The following HIGD1A variants were observed in gnomAD, a reference collection of about 807,000 sequenced individuals.
HIGD1A encodes HIG1 domain family member 1A, mitochondrial.
Under a neutral mutation model 11.3 loss-of-function variants are expected in HIGD1A, and 8 were observed. That is an observed-to-expected ratio of 0.71 (90% CI 0.42 to 1.28). The LOEUF (loss-of-function observed/expected upper bound fraction) is 1.28. HIGD1A is among the 50% of genes most tolerant of loss of function. The probability of loss-of-function intolerance (pLI) is 0.01; values close to 1 mark genes in which losing one functional copy is unlikely to be tolerated. For synonymous variants in HIGD1A, 32 were observed against 38.4 expected (o/e 0.83, Z 0.62); for missense variants, 107 against 118.8 (o/e 0.90, Z 0.46).
intron 2 of HIGD1A, among the ~76,000 whole-genome samples, chr3:42,788,027 CA>C (rs63176163): frequency 0.94 from 143,075 of 151,838 alleles, 68,018 homozygotes; most frequent in South Asian, 1. Flanking sequence ...CACATACCCC[CA>C]CCTCTAACCA....
intron 1 of HIGD1A, among the ~76,000 whole-genome samples, chr3:42,795,267 G>T (rs1172114524): frequency 6.6e-6 from 1 of 150,990 alleles, no homozygotes; most frequent in African/African-American, 2.4e-5. Context: ...TGCCCAGGCT[G>T]GAGTGCAATG....
At position 42,789,250 on chromosome 3, in the gene HIGD1A, C is replaced by A. The variant is rs137888490; in HGVS notation, c.98-3088G>T. On this transcript the variant is annotated intron_variant, in intron 2 of 3. Transcript: ENST00000321331. Reference sequence around the variant, plus strand: ...AGAGATGGGGTTTCCCCACATTGGTCAGGCTGGTCTCGAACTCCTGACCTC... The same window carrying A: ...AGAGATGGGGTTTCCCCACATTGGTAAGGCTGGTCTCGAACTCCTGACCTC... Among the ~76,000 whole-genome samples the A allele has an allele frequency of 6.9e-3, 1,052 of 152,150 alleles. 12 individuals are homozygous for A. The highest frequency in any genetic ancestry group is 0.024 in the African/African-American group (993 of 41,526).
At chr3:42,802,141 C>T (rs1300002023) in intron 1 of HIGD1A, among the ~76,000 whole-genome samples, 1 of 151,724 alleles carries the variant, frequency 6.6e-6, no homozygotes, top group Non-Finnish European at 1.5e-5. Context: ...AATTCTCCAA[C>T]AGGTCAATGG....
At position 42,783,033 on chromosome 3, in the gene HIGD1A, A is replaced by C. The variant is rs1329822827; in HGVS notation, c.*2238T>G. Among the ~76,000 whole-genome samples, 1 of 152,228 alleles carries C rather than the reference A, an allele frequency of 6.6e-6. No homozygotes were observed. Among genetic ancestry groups the C allele is most frequent in the East Asian group, 1.9e-4 (1 of 5,202 alleles). On this transcript the variant is annotated 3_prime_UTR_variant, in exon 4 of 4. Transcript: ENST00000321331. ...TATTTGACATGGCAAAAATTTAGGG[A>C]AATTGTTCCATGAGTCTTTTTTAAG...
intron 2 of HIGD1A, among the ~76,000 whole-genome samples, chr3:42,789,744 A>G (rs2125924487): frequency 6.6e-6 from 1 of 152,114 alleles, no homozygotes; most frequent in East Asian, 1.9e-4. Flanking sequence ...TTATTTATTT[A>G]GAGACAGGGT....
At position 42,799,946 on chromosome 3, in the gene HIGD1A, A is replaced by G. The variant is rs555948710; in HGVS notation, c.-23+4490T>C. Among the ~76,000 whole-genome samples, 40 of 152,334 alleles carry G rather than the reference A, an allele frequency of 2.6e-4. No individual in the cohort carries two copies. In the South Asian group the frequency reaches 7.9e-3, roughly 30 times the overall value. ...GAGAAACACTTGAGACTGGCTTTGA[A>G]GAAACTGCATAAATGGACTGGATAG... is the stretch of plus-strand genomic sequence containing the variant. On this transcript the variant is annotated intron_variant, in intron 1 of 3. Transcript: ENST00000321331.
intron 2 of HIGD1A, among the ~76,000 whole-genome samples, chr3:42,793,204 TTTTTC>T (rs1282346945): frequency 6.6e-6 from 1 of 152,130 alleles, no homozygotes; most frequent in East Asian, 1.9e-4. Context: ...ATTTTTAAAC[TTTTTC>T]TTAAGATTAA....
intron 1 of HIGD1A, among the ~76,000 whole-genome samples, chr3:42,803,118 T>C (rs1575366719): frequency 6.6e-6 from 1 of 152,214 alleles, no homozygotes; most frequent in African/African-American, 2.4e-5. Flanking sequence ...TGTCCCAGAT[T>C]TCTGTCAGAA....
At chr3:42,803,845 G>A (rs1199095163) in intron 1 of HIGD1A, among the ~76,000 whole-genome samples, 2 of 152,174 alleles carry the variant, frequency 1.3e-5, no homozygotes, top group African/African-American at 2.4e-5. Context: ...AGGACCCTAG[G>A]CCTTATCACT....
Position 42,784,561 on chromosome 3 carries a change from G to A in HIGD1A, c.*710C>T, listed in dbSNP as rs1280025962. ...ATTTAAAACGTGTTCATTTACCTTTGCGTGAGTGCTTAAAATACATATTTC... is the reference window on the plus strand; with the variant it reads ...ATTTAAAACGTGTTCATTTACCTTTACGTGAGTGCTTAAAATACATATTTC... On this transcript the variant is annotated 3_prime_UTR_variant, in exon 4 of 4. Transcript: ENST00000321331. The A allele has an allele frequency of 6.6e-6, 1 of 152,584 alleles. No individual in the cohort carries two copies. The highest frequency in any genetic ancestry group is 2.4e-5 in the African/African-American group (1 of 41,434). The allele number at this position is 152,584 out of a possible 1,614,324, so 9.5% of individuals were successfully genotyped here.
intron 1 of HIGD1A, among the ~76,000 whole-genome samples, chr3:42,799,680 T>TG (rs1700531033): frequency 6.6e-6 from 1 of 151,988 alleles, no homozygotes; most frequent in Non-Finnish European, 1.5e-5. Context: ...GGTCTCAAAC[T>TG]CCTGGCCCCA....
At position 42,786,020 on chromosome 3, in the gene HIGD1A, GA is replaced by G; in HGVS notation, c.232+7del. ...AACGAAAATTTGAAATTTCCTATAG[GA>G]ACCTACCAACAGTCATTGCTCCTAC... On this transcript the variant is annotated splice_region_variant and intron_variant, in intron 3 of 3. Transcript: ENST00000321331. 6.2e-7 allele frequency: 1 copy of G among 1,611,734 alleles called. No individual in the cohort carries two copies. Among genetic ancestry groups the G allele is most frequent in the Middle Eastern group, 2.2e-4 (1 of 4,562 alleles).
chr3:42,804,429 C>A lies in HIGD1A; in HGVS notation c.-23+7G>T. ...TGGCTCGCAGTCCCCCGGCTTGTTTCGCTTACCTAGAGCGAGAAAACCTCT... is the reference window on the plus strand; with the variant it reads ...TGGCTCGCAGTCCCCCGGCTTGTTTAGCTTACCTAGAGCGAGAAAACCTCT... On this transcript the variant is annotated splice_region_variant and intron_variant, in intron 1 of 3. Transcript: ENST00000321331. 1 of 490,748 alleles carries A rather than the reference C, an allele frequency of 2.0e-6. No homozygotes were observed. The highest frequency in any genetic ancestry group is 3.0e-5 in the South Asian group (1 of 33,154). 30.4% of individuals were successfully genotyped at this position (490,748 alleles called of 1,614,324 possible).
At chr3:42,801,809 TC>T (rs985372691) in intron 1 of HIGD1A, among the ~76,000 whole-genome samples, 2 of 152,234 alleles carry the variant, frequency 1.3e-5, no homozygotes, top group Non-Finnish European at 2.9e-5. Flanking sequence ...AAGCATGTTT[TC>T]CCCTTTTTTG....
chr3:42,800,353 A>G (rs1700540926), intron 1 of HIGD1A, among the ~76,000 whole-genome samples: 1 of 151,968 alleles, frequency 6.6e-6, no homozygotes, highest in African/African-American at 2.4e-5. Context: ...AAGAAAAAGA[A>G]AAAGAAAAAG....
chr3:42,795,051 C>T (rs912364819), intron 1 of HIGD1A, among the ~76,000 whole-genome samples: 1 of 151,066 alleles, frequency 6.6e-6, no homozygotes, highest in Non-Finnish European at 1.5e-5. Context: ...TGCAGTGGCA[C>T]GATCTCGGCT....
intron 2 of HIGD1A, among the ~76,000 whole-genome samples, chr3:42,790,873 A>G (rs1700414859): frequency 6.6e-6 from 1 of 152,150 alleles, no homozygotes; most frequent in Non-Finnish European, 1.5e-5. Context: ...ATTCGCAGGC[A>G]TGATCATTAT....
intron 2 of HIGD1A, among the ~76,000 whole-genome samples, chr3:42,787,465 G>A (rs1183095627): frequency 5.9e-5 from 9 of 151,500 alleles, no homozygotes; most frequent in African/African-American, 1.9e-4. Flanking sequence ...GGTGGCATGC[G>A]CCTGTAATCC....
Position 42,785,234 on chromosome 3 carries a change from A to G in HIGD1A, c.*37T>C. The G allele has an allele frequency of 6.4e-7, 1 of 1,558,398 alleles. No individual in the cohort carries two copies. The highest frequency in any genetic ancestry group is 8.8e-7 in the Non-Finnish European group (1 of 1,140,830). On this transcript the variant is annotated 3_prime_UTR_variant, in exon 4 of 4. Coordinates refer to ENST00000321331, the MANE Select transcript of HIGD1A (RefSeq NM_014056.4). ...TAATAATAAGACATCTAACTAAAGC[A>G]AGCTCCTCCAACAAGACCAAGACAG...
Sources: allele counts gnomAD v4.1 joint callset (sites outside exome capture counted in the v4.1 genomes callset), GRCh38; gene constraint gnomAD v4.1.1; transcripts MANE v1.5; gene names NCBI Gene and HGNC (gene_info 2026-07-23, HGNC 2026-07-21).